Variants in STAM observed in about 807,000 individuals in gnomAD.
STAM encodes the protein signal transducing adaptor molecule.
A neutral mutation model predicts 63.4 loss-of-function variants in STAM; 16 were observed. That is an observed-to-expected ratio of 0.25 (90% confidence interval 0.17 to 0.38). The LOEUF (loss-of-function observed/expected upper bound fraction) is 0.38. Among genes scored for constraint, STAM ranks in the 10% least tolerant of loss-of-function variants. The pLI is 1.00. For synonymous variants in STAM, 238 were observed against 223.9 expected (o/e 1.06, Z -0.56); for missense variants, 636 against 657.1 (o/e 0.97, Z 0.35).
At position 17,684,562 on chromosome 10, in the gene STAM, C is replaced by T. The variant is rs1835217005; in HGVS notation, c.126-113C>T. 15 of 713,842 alleles carry T rather than the reference C, an allele frequency of 2.1e-5. No individual in the cohort carries two copies. In the South Asian group the frequency reaches 4.0e-4, roughly 19 times the overall value. The allele number at this position is 713,842 out of a possible 1,614,324, so 44.2% of individuals were successfully genotyped here. On this transcript the variant is annotated intron_variant, in intron 2 of 13. Transcript: ENST00000377524. ...CGTGTTATTAATAAAAATTAAATTT[C>T]CCTACTTTATCATAGTCTCCCTTTT...
intron 12 of STAM, among the ~76,000 whole-genome samples, chr10:17,708,291 CG>C (rs1413502777): frequency 6.6e-6 from 1 of 152,154 alleles, no homozygotes; most frequent in East Asian, 1.9e-4. Context: ...AAAATATTTA[CG>C]TCAGGCCCTT....
chr10:17,667,847 A>T (rs1176886180), intron 2 of STAM, among the ~76,000 whole-genome samples: 3 of 152,254 alleles, frequency 2.0e-5, no homozygotes, highest in Non-Finnish European at 4.4e-5. Context: ...GCTACAAGGT[A>T]GAGAAAACTT....
At chr10:17,709,021 T>C (rs186918167) in intron 13 of STAM, 70 bp downstream of exon 13, 1,291 of 1,522,846 alleles carry the variant, frequency 8.5e-4, no homozygotes, top group Admixed American at 1.9e-3. Context: ...CAGTTATCTA[T>C]AACTATAAAA....
intron 1 of STAM, among the ~76,000 whole-genome samples, chr10:17,647,740 C>T (rs1012675613): frequency 2.0e-5 from 3 of 152,088 alleles, no homozygotes; most frequent in African/African-American, 7.2e-5. Context: ...ATTTGTAAAG[C>T]ACTTAGAAAA....
intron 2 of STAM, among the ~76,000 whole-genome samples, chr10:17,679,827 G>A (rs529041678): frequency 6.6e-6 from 1 of 151,420 alleles, no homozygotes; most frequent in East Asian, 1.9e-4. Context: ...TCCTGTCTTT[G>A]TAGGAATTTG....
chr10:17,672,938 G>T (rs1467868984), intron 2 of STAM: 2 of 699,418 alleles, frequency 2.9e-6, no homozygotes, highest in Non-Finnish European at 3.5e-6. Flanking sequence ...CTTTGTCCCT[G>T]CCCCTGACCC....
At chr10:17,662,267 C>CT (rs58857462) in intron 2 of STAM, among the ~76,000 whole-genome samples, 193 of 152,178 alleles carry the variant, frequency 1.3e-3, no homozygotes, top group African/African-American at 4.4e-3. Flanking sequence ...AGTTCCAGTG[C>CT]TTTTTTTCTA....
chr10:17,704,836 CTA>C, intron 10 of STAM, 132 bp from the exon 11 acceptor site: 1 of 757,316 alleles, frequency 1.3e-6, no homozygotes, highest in Non-Finnish European at 2.1e-6. Context: ...GTTCTGTAGA[CTA>C]AGGTTAAAGA....
intron 2 of STAM, among the ~76,000 whole-genome samples, chr10:17,670,404 T>C (rs1589049529): frequency 6.6e-6 from 1 of 152,316 alleles, no homozygotes; most frequent in East Asian, 1.9e-4. Context: ...GTCAGATTTC[T>C]TTACTTCCCA....
rs1835244688 is a variant in STAM at position 17,685,130 on chromosome 10, TTA to T, written c.297+204_297+205del. 2.6e-5 allele frequency among the ~76,000 whole-genome samples: 4 copies of T among 152,322 alleles called. No individual in the cohort carries two copies. The South Asian group carries it at 8.3e-4, about 32-fold the overall frequency. On this transcript the variant is annotated intron_variant, in intron 4 of 13. Coordinates refer to ENST00000377524, the MANE Select transcript of STAM (RefSeq NM_003473.4). The stretch of plus-strand genomic sequence containing the variant: ...TTTGAGTTAGTTTTTTCAAGCCATA[TTA>T]GAGTGTTTTTAACCTGTTCTTTTCC...
At chr10:17,700,112 C>A in intron 8 of STAM, 79 bp from the exon 9 acceptor site, 4 of 1,191,166 alleles carry the variant, frequency 3.4e-6, no homozygotes, top group Non-Finnish European at 3.5e-6. Context: ...ATCCCCAAAT[C>A]TCTCTTGGAA....
At chr10:17,653,981 G>A (rs918129845) in intron 1 of STAM, among the ~76,000 whole-genome samples, 1 of 152,242 alleles carries the variant, frequency 6.6e-6, no homozygotes, top group South Asian at 2.1e-4. Flanking sequence ...AGGGTAGTGG[G>A]AACTTCCAGT....
chr10:17,706,369 CTTTTTTTTT>C (rs59585445), intron 12 of STAM, among the ~76,000 whole-genome samples: 3 of 70,184 alleles, frequency 4.3e-5, no homozygotes, highest in Non-Finnish European at 7.3e-5. Flanking sequence ...GGTTGAGGCC[CTTTTTTTTT>C]TTTTTTTTTT....
chr10:17,688,519 GTA>G (rs1835393231), intron 5 of STAM, among the ~76,000 whole-genome samples: 1 of 152,138 alleles, frequency 6.6e-6, no homozygotes, highest in Non-Finnish European at 1.5e-5. Context: ...GTAGAGTGCA[GTA>G]GCGTGATCTC....
chr10:17,662,814 C>T (rs1834224994), intron 2 of STAM, among the ~76,000 whole-genome samples: 1 of 152,230 alleles, frequency 6.6e-6, no homozygotes, highest in African/African-American at 2.4e-5. Context: ...GTACCTGGCA[C>T]ATGGCTGAAT....
At chr10:17,696,635 AG>A (rs1201449038) in intron 7 of STAM, 139 bp from the exon 8 acceptor site, 4 of 575,112 alleles carry the variant, frequency 7.0e-6, no homozygotes, top group African/African-American at 1.9e-5. Context: ...TTTGTAATAA[AG>A]GAAGATTCAT....
At chr10:17,700,774 G>T (rs1835959715) in intron 9 of STAM, among the ~76,000 whole-genome samples, 2 of 151,176 alleles carry the variant, frequency 1.3e-5, no homozygotes, top group South Asian at 4.2e-4. Context: ...TACTCAACAA[G>T]GATATTAAGA....
At chr10:17,702,467 A>G (rs1192404491) in intron 9 of STAM, among the ~76,000 whole-genome samples, 5 of 152,208 alleles carry the variant, frequency 3.3e-5, no homozygotes, top group Non-Finnish European at 7.4e-5. Context: ...TATTTAAAGG[A>G]ATTTTTGACT....
chr10:17,681,188 T>A (rs573227860), intron 2 of STAM, among the ~76,000 whole-genome samples: 224 of 148,156 alleles, frequency 1.5e-3, no homozygotes, highest in African/African-American at 5.2e-3. Flanking sequence ...GAGGTGGTAT[T>A]GAGATCGTCT....
Sources: gnomAD v4.1 joint callset for allele counts (sites outside exome capture counted in the v4.1 genomes callset) on GRCh38, gnomAD v4.1.1 for gene constraint, MANE v1.5 for transcripts, NCBI Gene and HGNC (gene_info 2026-07-23, HGNC 2026-07-21) for gene names.